The following BICD1 variants were observed in gnomAD, a reference collection of about 807,000 sequenced individuals.
BICD1 encodes the protein protein bicaudal D homolog 1.
A neutral mutation model predicts 92.5 loss-of-function variants in BICD1; 35 were observed. The ratio of observed to expected loss-of-function variants is 0.38; its 90% CI spans 0.29 to 0.50. The LOEUF is 0.50. Ranked by LOEUF, BICD1 falls within the 20% of genes least tolerant of loss-of-function variation. The pLI is 0.93. For missense variants in BICD1, 950 were observed against 1,189.8 expected, an observed-to-expected ratio of 0.80 and a Z score of 2.97; for synonymous variants, 429 against 465.1, an observed-to-expected ratio of 0.92 and a Z score of 1.00.
intron 2 of BICD1, among the ~76,000 whole-genome samples, chr12:32,239,521 G>A (rs908983466): frequency 1.5e-4 from 23 of 148,390 alleles, no homozygotes; most frequent in African/African-American, 4.7e-4. Context: ...AGCCGAGAGC[G>A]CACCATTGCA....
intron 2 of BICD1, among the ~76,000 whole-genome samples, chr12:32,261,197 C>T (rs138460925): frequency 2.0e-5 from 3 of 151,970 alleles, no homozygotes; most frequent in African/African-American, 7.3e-5. Flanking sequence ...TATGGATGAC[C>T]CATGTGCCAG....
intron 2 of BICD1, among the ~76,000 whole-genome samples, chr12:32,276,336 G>A (rs1404771752): frequency 6.6e-6 from 1 of 152,184 alleles, no homozygotes; most frequent in Non-Finnish European, 1.5e-5. Flanking sequence ...GGGTTTTCCT[G>A]TTGAGAGAGG....
intron 8 of BICD1, chr12:32,339,980 C>T (rs995817361): frequency 8.8e-5 from 74 of 840,196 alleles, no homozygotes; most frequent in Non-Finnish European, 1.1e-4. Context: ...AAGCTTCGCA[C>T]TTTGCCACAG....
chr12:32,225,557 T>C (rs1004755371), intron 2 of BICD1, among the ~76,000 whole-genome samples: 2 of 151,794 alleles, frequency 1.3e-5, no homozygotes, highest in African/African-American at 2.4e-5. Context: ...CCACTAGCAA[T>C]GTGTAAAAGT....
intron 1 of BICD1, among the ~76,000 whole-genome samples, chr12:32,203,820 C>G (rs1392884668): frequency 6.6e-6 from 1 of 152,040 alleles, no homozygotes; most frequent in Non-Finnish European, 1.5e-5. Flanking sequence ...TGTGCTATCC[C>G]TATCCAACTC....
intron 1 of BICD1, among the ~76,000 whole-genome samples, chr12:32,215,941 G>T (rs1228531295): frequency 1.8e-5 from 2 of 108,156 alleles, no homozygotes; most frequent in Non-Finnish European, 3.4e-5. Flanking sequence ...GCGACAGAGC[G>T]AGACTCCGTC....
At chr12:32,323,167 C>A (rs749792646) in intron 4 of BICD1, among the ~76,000 whole-genome samples, 1 of 152,134 alleles carries the variant, frequency 6.6e-6, no homozygotes, top group Non-Finnish European at 1.5e-5. Context: ...TCTGGGTAAG[C>A]AAATTCATCA....
chr12:32,336,213 C>T (rs1439721984), intron 6 of BICD1, among the ~76,000 whole-genome samples: 3 of 151,968 alleles, frequency 2.0e-5, no homozygotes, highest in Non-Finnish European at 4.4e-5. Flanking sequence ...CATATTTTAG[C>T]GGGTAAATAA....
intron 2 of BICD1, among the ~76,000 whole-genome samples, chr12:32,261,429 C>A (rs12300593): frequency 6.6e-6 from 1 of 151,898 alleles, no homozygotes; most frequent in Non-Finnish European, 1.5e-5. Flanking sequence ...CACTGGTGTT[C>A]GTATGCATAT....
At chr12:32,187,814 C>T (rs1944461432) in intron 1 of BICD1, among the ~76,000 whole-genome samples, 1 of 152,220 alleles carries the variant, frequency 6.6e-6, no homozygotes, top group African/African-American at 2.4e-5. Context: ...GAACCCAAAC[C>T]TCCCACATCA....
intron 3 of BICD1, 133 bp downstream of exon 3, chr12:32,294,279 T>C (rs1947801975): frequency 3.3e-6 from 3 of 900,506 alleles, no homozygotes; most frequent in Admixed American, 3.4e-5. Flanking sequence ...TGTACTGCAA[T>C]GTCCCAACCC....
At chr12:32,280,190 C>T (rs1394353029) in intron 2 of BICD1, among the ~76,000 whole-genome samples, 2 of 152,096 alleles carry the variant, frequency 1.3e-5, no homozygotes, top group African/African-American at 4.8e-5. Flanking sequence ...GGAAAAATTT[C>T]TCCTCTACCT....
chr12:32,354,621 A>G (rs1422331031), intron 8 of BICD1, among the ~76,000 whole-genome samples: 2 of 152,212 alleles, frequency 1.3e-5, no homozygotes, highest in African/African-American at 2.4e-5. Context: ...ATCTGTGGGT[A>G]CTTTTAGAAT....
intron 2 of BICD1, among the ~76,000 whole-genome samples, chr12:32,280,615 G>A (rs1947387029): frequency 1.3e-5 from 2 of 152,188 alleles, no homozygotes; most frequent in Admixed American, 6.5e-5. Flanking sequence ...TAAGTAGAAA[G>A]GGGGAGGTCA....
At chr12:32,269,027 G>A (rs541852530) in intron 2 of BICD1, among the ~76,000 whole-genome samples, 1 of 152,104 alleles carries the variant, frequency 6.6e-6, no homozygotes, top group Non-Finnish European at 1.5e-5. Context: ...TGATTTGTAG[G>A]TCTGGGATGG....
At chr12:32,227,950 G>T in intron 2 of BICD1, 1 of 203,326 alleles carries the variant, frequency 4.9e-6, no homozygotes. Flanking sequence ...AAGGCATCAC[G>T]AAGGCTTCAT....
chr12:32,305,011 G>C (rs948109424), intron 3 of BICD1, among the ~76,000 whole-genome samples: 1 of 151,522 alleles, frequency 6.6e-6, no homozygotes, highest in Non-Finnish European at 1.5e-5. Flanking sequence ...AACAGAGCGA[G>C]ACCCTCTCTC....
chr12:32,270,977 C>A (rs927581974), intron 2 of BICD1, among the ~76,000 whole-genome samples: 7 of 152,234 alleles, frequency 4.6e-5, no homozygotes, highest in African/African-American at 1.7e-4. Context: ...GCTGGCCAGC[C>A]GGAAGCCACC....
intron 1 of BICD1, among the ~76,000 whole-genome samples, chr12:32,190,231 G>A (rs1007300037): frequency 1.3e-5 from 2 of 152,138 alleles, no homozygotes; most frequent in African/African-American, 4.8e-5. Flanking sequence ...AAATAGTTAA[G>A]CCCTTAACTC....
Sources: allele counts gnomAD v4.1 joint callset (sites outside exome capture counted in the v4.1 genomes callset), GRCh38; gene constraint gnomAD v4.1.1; transcripts MANE v1.5; gene names NCBI Gene and HGNC (gene_info 2026-07-23, HGNC 2026-07-21).